The following UNC13C variants were observed in gnomAD, a reference collection of about 807,000 sequenced individuals.
The protein encoded by UNC13C is unc-13 homolog C.
A neutral mutation model predicts 245.4 loss-of-function variants in UNC13C; 174 were observed. That is an observed-to-expected ratio of 0.71 (90% CI 0.63 to 0.80). The LOEUF is 0.80. Among genes scored for constraint, UNC13C ranks in the 30% least tolerant of loss-of-function variants. The probability of loss-of-function intolerance (pLI) is 0.00; values close to 1 mark genes in which losing one functional copy is unlikely to be tolerated. For synonymous variants in UNC13C, 992 were observed against 895.1 expected (o/e 1.11, Z -1.93); for missense variants, 2,829 against 2,602.9 (o/e 1.09, Z -1.89).
chr15:54,243,230 T>C (rs564068124), intron 7 of UNC13C, among the ~76,000 whole-genome samples: 31 of 146,140 alleles, frequency 2.1e-4, no homozygotes, highest in Admixed American at 3.5e-4. Flanking sequence ...TGAGAACATA[T>C]GGGGCTTGGT....
Position 54,191,271 on chromosome 15 carries a change from A to G in UNC13C, c.3072-43759A>G, listed in dbSNP as rs191881700. On this transcript the variant is annotated intron_variant, in intron 4 of 32. Coordinates refer to ENST00000260323, the MANE Select transcript of UNC13C (RefSeq NM_001080534.3). Reference sequence around the variant, plus strand: ...TGTGTCCATGTGTTCTCTTTGTTCAATTCCCACTTATGAGTGAGAACATGC... The same window carrying G: ...TGTGTCCATGTGTTCTCTTTGTTCAGTTCCCACTTATGAGTGAGAACATGC... Among the ~76,000 whole-genome samples, 16 of 151,976 alleles carry G rather than the reference A, an allele frequency of 1.1e-4. No homozygotes were observed. In the East Asian group the frequency reaches 1.5e-3, roughly 15 times the overall value.
intron 18 of UNC13C, among the ~76,000 whole-genome samples, chr15:54,403,576 C>T (rs1275824921): frequency 6.6e-6 from 1 of 151,586 alleles, no homozygotes; most frequent in Non-Finnish European, 1.5e-5. Context: ...ATTAGCCAGG[C>T]ATTTTGCCAC....
intron 3 of UNC13C, among the ~76,000 whole-genome samples, 168 bp downstream of exon 3, chr15:54,143,208 A>G (rs982656215): frequency 3.3e-5 from 5 of 151,930 alleles, no homozygotes; most frequent in African/African-American, 1.2e-4. Flanking sequence ...GATATGTTGC[A>G]CTTATGGAGA....
At chr15:54,292,908 T>C (rs1220135151) in intron 10 of UNC13C, among the ~76,000 whole-genome samples, 2 of 148,346 alleles carry the variant, frequency 1.3e-5, no homozygotes, top group Non-Finnish European at 3.0e-5. Context: ...TTATAGATAA[T>C]ATATAGATTA....
intron 2 of UNC13C, among the ~76,000 whole-genome samples, chr15:54,136,270 T>C (rs2031726136): frequency 6.6e-6 from 1 of 152,180 alleles, no homozygotes; most frequent in Admixed American, 6.5e-5. Flanking sequence ...CCTGAGTAGC[T>C]GGGGCTATAG....
chr15:54,098,115 T>C (rs1899969592), intron 2 of UNC13C, among the ~76,000 whole-genome samples: 1 of 152,204 alleles, frequency 6.6e-6, no homozygotes, highest in African/African-American at 2.4e-5. Flanking sequence ...ATTCTGGGGA[T>C]GGGATAGCTG....
intron 14 of UNC13C, among the ~76,000 whole-genome samples, chr15:54,329,522 G>A (rs2140991267): frequency 6.6e-6 from 1 of 152,028 alleles, no homozygotes; most frequent in South Asian, 2.1e-4. Context: ...ATGTCCCTTG[G>A]GGAAACATTT....
At chr15:54,430,375 T>C (rs1438145641) in intron 19 of UNC13C, among the ~76,000 whole-genome samples, 1 of 151,716 alleles carries the variant, frequency 6.6e-6, no homozygotes, top group East Asian at 1.9e-4. Context: ...TGGTCAGTTG[T>C]AAAAGAAATC....
intron 4 of UNC13C, among the ~76,000 whole-genome samples, chr15:54,164,914 G>A (rs1189111060): frequency 2.6e-5 from 4 of 152,078 alleles, no homozygotes; most frequent in African/African-American, 4.8e-5. Context: ...GTTTTGATAT[G>A]TCTCATTATA....
chr15:54,298,054 A>G, intron 12 of UNC13C, 128 bp downstream of exon 12: 1 of 658,334 alleles, frequency 1.5e-6, no homozygotes, highest in Non-Finnish European at 2.6e-6. Context: ...ACTCTATACT[A>G]CAGCAGGTGA....
intron 13 of UNC13C, among the ~76,000 whole-genome samples, chr15:54,306,327 T>C (rs1170456225): frequency 6.6e-6 from 1 of 152,002 alleles, no homozygotes; most frequent in African/African-American, 2.4e-5. Flanking sequence ...CTGAAGAATT[T>C]GTTCCCACAT....
intron 19 of UNC13C, among the ~76,000 whole-genome samples, chr15:54,432,977 A>G (rs1053603766): frequency 6.6e-6 from 1 of 152,148 alleles, no homozygotes; most frequent in Non-Finnish European, 1.5e-5. Context: ...CTCTACACAA[A>G]TAAACTAGAA....
At chr15:54,149,275 G>GA (rs1242113059) in intron 4 of UNC13C, among the ~76,000 whole-genome samples, 2 of 152,152 alleles carry the variant, frequency 1.3e-5, no homozygotes, top group Non-Finnish European at 2.9e-5. Flanking sequence ...ATAGCAGTGT[G>GA]AAAATGGACT....
In UNC13C at chr15:54,012,635, C is replaced by G. The variant is rs1446184528; in HGVS notation, c.-256-13C>G. On this transcript the variant is annotated splice_polypyrimidine_tract_variant and intron_variant, in intron 1 of 32. Transcript: ENST00000260323. ...GAATTCTGATATTTATTTTAACATT[C>G]ATTTCTTTTTAGACACTACATGGAG... Among the ~76,000 whole-genome samples the G allele has an allele frequency of 6.6e-6, 1 of 152,152 alleles. No homozygotes were observed. The highest frequency in any genetic ancestry group is 1.5e-5 in the Non-Finnish European group (1 of 68,026).
At chr15:54,397,788 A>G (rs2040100933) in intron 18 of UNC13C, among the ~76,000 whole-genome samples, 1 of 151,416 alleles carries the variant, frequency 6.6e-6, no homozygotes, top group Non-Finnish European at 1.5e-5. Flanking sequence ...CTAATTTCTC[A>G]TTCTTTGTTA....
At chr15:54,325,097 A>G (rs1195292880) in intron 14 of UNC13C, among the ~76,000 whole-genome samples, 2 of 152,074 alleles carry the variant, frequency 1.3e-5, no homozygotes, top group Non-Finnish European at 2.9e-5. Context: ...AAGCACAGTT[A>G]TATAAATTAA....
intron 2 of UNC13C, among the ~76,000 whole-genome samples, chr15:54,048,041 C>T (rs1897115578): frequency 6.6e-6 from 1 of 152,104 alleles, no homozygotes; most frequent in Non-Finnish European, 1.5e-5. Flanking sequence ...TCTGAATGTA[C>T]TTTTACGTTA....
chr15:54,499,872 C>A (rs1366720960), intron 20 of UNC13C, among the ~76,000 whole-genome samples: 1 of 151,984 alleles, frequency 6.6e-6, no homozygotes, highest in African/African-American at 2.4e-5. Flanking sequence ...TGCGAAGAAC[C>A]AAGACGGGGG....
Position 54,161,662 on chromosome 15 carries a change from C to G in UNC13C, c.3071+17978C>G, listed in dbSNP as rs183871021. 2.5e-3 allele frequency among the ~76,000 whole-genome samples: 384 copies of G among 151,848 alleles called. 3 individuals are homozygous for G. Among genetic ancestry groups the G allele is most frequent in the Middle Eastern group, 6.8e-3 (2 of 294 alleles). On this transcript the variant is annotated intron_variant, in intron 4 of 32. Coordinates refer to ENST00000260323, the MANE Select transcript of UNC13C (RefSeq NM_001080534.3). ...TTGTCAGTTATCATTAAAATTTTGA[C>G]TTTTTCAGCTGGGCATGGTGGCTCA...
Sources: gnomAD v4.1 joint callset for allele counts (sites outside exome capture counted in the v4.1 genomes callset) on GRCh38, gnomAD v4.1.1 for gene constraint, MANE v1.5 for transcripts, NCBI Gene and HGNC (gene_info 2026-07-23, HGNC 2026-07-21) for gene names.